The following ATP6V1H variants were observed in gnomAD, a reference collection of about 807,000 sequenced individuals.
The protein encoded by ATP6V1H is V-type proton ATPase subunit H.
ATP6V1H carries 39 observed loss-of-function variants against 71.7 expected under a neutral mutation model. The ratio of observed to expected loss-of-function variants is 0.54; its 90% CI spans 0.42 to 0.71. The LOEUF (loss-of-function observed/expected upper bound fraction) is 0.71, where lower values mean the gene tolerates loss of function less well. Ranked by LOEUF, ATP6V1H falls within the 30% of genes least tolerant of loss-of-function variation. The probability of loss-of-function intolerance (pLI) is 0.00; values close to 1 mark genes in which losing one functional copy is unlikely to be tolerated. For synonymous variants in ATP6V1H, 192 were observed against 199.3 expected (o/e 0.96, Z 0.31); for missense variants, 509 against 594.9 (o/e 0.86, Z 1.50).
rs1420739220 is a variant in ATP6V1H, at chr8:53,798,292, G to A, written c.678-2453C>T. The stretch of plus-strand genomic sequence containing the variant: ...TATAATCCCAGCACTTTGGGAGGCC[G>A]AGGCAGGTGGATTACGAGGTCAGGA... On this transcript the variant is annotated intron_variant, in intron 8 of 13. Transcript: ENST00000359530. Among the ~76,000 whole-genome samples the A allele has an allele frequency of 3.9e-5, 6 of 152,144 alleles. 1 individual carries two copies. The highest frequency in any genetic ancestry group is 4.2e-4 in the South Asian group (2 of 4,818).
At chr8:53,721,578 G>A (rs1006562821) in intron 13 of ATP6V1H, among the ~76,000 whole-genome samples, 5 of 152,036 alleles carry the variant, frequency 3.3e-5, no homozygotes, top group African/African-American at 1.2e-4. Context: ...TTATAGATAC[G>A]TAACTCGAGT....
In ATP6V1H at chr8:53,817,593, G is replaced by A. The variant is rs531407769; in HGVS notation, c.307-63C>T. On this transcript the variant is annotated intron_variant, in intron 4 of 13. Coordinates refer to ENST00000359530, the MANE Select transcript of ATP6V1H (RefSeq NM_015941.4). ...CATTTTGCTAAAGAATGTAACGACT[G>A]TGCACCACTTCTCAACCTCCCATCA... The A allele has an allele frequency of 2.9e-4, 290 of 999,108 alleles. No homozygotes were observed. The African/African-American group carries it at 4.1e-3, about 14-fold the overall frequency. The allele number at this position is 999,108 out of a possible 1,614,324, so 61.9% of individuals were successfully genotyped here.
Position 53,795,658 on chromosome 8 carries a change from C to T in ATP6V1H, c.859G>A (p.Ala287Thr), listed in dbSNP as rs1442295869. 3 of 1,612,592 alleles carry T rather than the reference C, an allele frequency of 1.9e-6. No homozygotes were observed. The highest frequency in any genetic ancestry group is 1.3e-5 in the African/African-American group (1 of 74,812). The change falls in exon 9 of 14, where the codon GCA (alanine) becomes ACA (threonine). Residue 287 changes from alanine to threonine, a missense_variant. By Grantham distance (58) the Ala-to-Thr change is moderately conservative. Coordinates refer to ENST00000359530, the MANE Select transcript of ATP6V1H (RefSeq NM_015941.4). Reference sequence around the variant, plus strand: ...CATAAAACACTTACACGAAATGCTGCAAGAATGATTCTTGTTACTTTCTCT... The same window carrying T: ...CATAAAACACTTACACGAAATGCTGTAAGAATGATTCTTGTTACTTTCTCT... The part of the protein sequence containing the change: ...VKEKVTRIIL[A>T]AFRNFLEKST...
intron 11 of ATP6V1H, 136 bp from the exon 12 acceptor site, chr8:53,756,792 A>G (rs917377286): frequency 5.3e-6 from 3 of 561,936 alleles, no homozygotes; most frequent in Non-Finnish European, 9.0e-6. Flanking sequence ...GGATTTCACT[A>G]TTAGACATAA....
chr8:53,842,457 C>G (rs1811374199), intron 1 of ATP6V1H: 1 of 152,232 alleles, frequency 6.6e-6, no homozygotes, highest in Non-Finnish European at 1.5e-5. Context: ...TTGCCACTTG[C>G]AAAACATAAA....
Position 53,795,834 on chromosome 8 carries a change from A to G in ATP6V1H, c.683T>C (p.Met228Thr). ...GCCACACTTGTTACTCAACACTCCC[A>G]TTATGCTGAAAAACAAACAAACAAA... is the stretch of plus-strand genomic sequence containing the variant. ...WVEADGVNCI[M>T]GVLSNKCGFQ... The change falls in exon 9 of 14, where the codon ATG becomes ACG. Residue 228 changes from methionine (M) to threonine (T), a missense_variant. Physicochemically the swap from Met to Thr is moderately conservative, Grantham distance 81 (BLOSUM62 -1). Transcript: ENST00000359530. The G allele has an allele frequency of 2.5e-6, 4 of 1,585,212 alleles. No individual in the cohort carries two copies. The highest frequency in any genetic ancestry group is 3.4e-6 in the Non-Finnish European group (4 of 1,170,292).
chr8:53,761,110 GC>G (rs1228697207), intron 11 of ATP6V1H, among the ~76,000 whole-genome samples: 3 of 152,184 alleles, frequency 2.0e-5, no homozygotes, highest in Non-Finnish European at 4.4e-5. Context: ...GCCGAGGTGG[GC>G]AGATCACGAG....
intron 9 of ATP6V1H, among the ~76,000 whole-genome samples, chr8:53,775,793 G>A (rs1322559142): frequency 6.6e-6 from 1 of 152,246 alleles, no homozygotes; most frequent in Non-Finnish European, 1.5e-5. Context: ...TAGACATAAA[G>A]ACTCTCCACG....
Position 53,735,682 on chromosome 8 carries a change from C to T in ATP6V1H, c.1391+7895G>A, listed in dbSNP as rs180918659. ...CCTTAAAAAAAGCAAATGCAGGCTT[C>T]AGGAATAGCCATACAAAGTGTTCAT... On this transcript the variant is annotated intron_variant, in intron 13 of 13. Coordinates refer to ENST00000359530, the MANE Select transcript of ATP6V1H (RefSeq NM_015941.4). 2.3e-3 allele frequency among the ~76,000 whole-genome samples: 347 copies of T among 152,200 alleles called. 2 individuals carry two copies. The highest frequency in any genetic ancestry group is 8.1e-3 in the African/African-American group (336 of 41,514).
At chr8:53,835,624 T>A (rs1811134247) in intron 2 of ATP6V1H, among the ~76,000 whole-genome samples, 1 of 152,250 alleles carries the variant, frequency 6.6e-6, no homozygotes, top group South Asian at 2.1e-4. Flanking sequence ...CTTACATCAG[T>A]TTCACACTGT....
In ATP6V1H at chr8:53,797,944, G is replaced by A. The variant is rs144413765; in HGVS notation, c.678-2105C>T. On this transcript the variant is annotated intron_variant, in intron 8 of 13. Coordinates refer to ENST00000359530, the MANE Select transcript of ATP6V1H (RefSeq NM_015941.4). ...AAATTATATTAAAATAAAAAAGAAT[G>A]CCAATGGTAGTTTAATGGGAATAGC... Among the ~76,000 whole-genome samples, 185 of 152,240 alleles carry A rather than the reference G, an allele frequency of 1.2e-3. 1 individual carries two copies. Among genetic ancestry groups the A allele is most frequent in the African/African-American group, 4.2e-3 (176 of 41,542 alleles).
At chr8:53,782,820 T>G (rs1450489568) in intron 9 of ATP6V1H, among the ~76,000 whole-genome samples, 1 of 152,238 alleles carries the variant, frequency 6.6e-6, no homozygotes, top group African/African-American at 2.4e-5. Context: ...TTGTCTTTGG[T>G]TCTGTTTATA....
At chr8:53,734,652 G>A (rs147339027) in intron 13 of ATP6V1H, among the ~76,000 whole-genome samples, 20 of 152,262 alleles carry the variant, frequency 1.3e-4, no homozygotes, top group African/African-American at 4.6e-4. Flanking sequence ...TAGAAGCAGC[G>A]TAGAGGCCCC....
intron 8 of ATP6V1H, among the ~76,000 whole-genome samples, chr8:53,796,406 T>G (rs1265634181): frequency 1.3e-5 from 2 of 151,756 alleles, no homozygotes; most frequent in African/African-American, 2.4e-5. Context: ...GACATGGACA[T>G]GAAGGAGGTT....
At chr8:53,725,853 T>C (rs949548732) in intron 13 of ATP6V1H, among the ~76,000 whole-genome samples, 19 of 152,168 alleles carry the variant, frequency 1.2e-4, no homozygotes, top group African/African-American at 3.6e-4. Flanking sequence ...TAAAGAGCTC[T>C]AAGTTTCAAA....
intron 3 of ATP6V1H, chr8:53,832,687 TCAAA>T (rs1811045957): frequency 4.8e-6 from 1 of 207,098 alleles, no homozygotes; most frequent in Non-Finnish European, 9.6e-6. Context: ...ATTAGGTATT[TCAAA>T]CATTACTAGT....
intron 13 of ATP6V1H, among the ~76,000 whole-genome samples, chr8:53,727,993 C>T (rs960502834): frequency 6.6e-6 from 1 of 152,290 alleles, no homozygotes; most frequent in East Asian, 1.9e-4. Context: ...GTCTTCTTTC[C>T]TCTGTCCTTG....
intron 1 of ATP6V1H, 127 bp downstream of exon 1, chr8:53,842,907 G>C (rs73587669): frequency 0.061 from 9,307 of 152,528 alleles, 969 homozygotes; most frequent in African/African-American, 0.21. Flanking sequence ...TCTGGCAACC[G>C]GGGGCCGAAG....
chr8:53,809,484 A>G (rs929229687), intron 7 of ATP6V1H, among the ~76,000 whole-genome samples: 1 of 152,212 alleles, frequency 6.6e-6, no homozygotes, highest in Non-Finnish European at 1.5e-5. Flanking sequence ...GTAGGAAACC[A>G]AAGGCCATCT....
Sources: gnomAD v4.1 joint callset for allele counts (sites outside exome capture counted in the v4.1 genomes callset) on GRCh38, gnomAD v4.1.1 for gene constraint, MANE v1.5 for transcripts, NCBI Gene and HGNC (gene_info 2026-07-23, HGNC 2026-07-21) for gene names.